LINGO2: variants seen among roughly 807,000 people sequenced by gnomAD.
LINGO2 encodes leucine rich repeat and Ig domain containing 2.
A neutral mutation model predicts 30.6 loss-of-function variants in LINGO2; 14 were observed. The ratio of observed to expected loss-of-function variants is 0.46; its 90% CI spans 0.30 to 0.72. The LOEUF (loss-of-function observed/expected upper bound fraction) is 0.72, where lower values mean the gene tolerates loss of function less well. LINGO2 is among the 30% of genes least tolerant of loss of function. The pLI, the probability that LINGO2 is intolerant of heterozygous loss-of-function variation, is 0.07. For missense variants in LINGO2, 729 were observed against 751.7 expected (o/e 0.97, Z 0.35); for synonymous variants, 317 against 288.5 (o/e 1.10, Z -1.00).
intron 4 of LINGO2, among the ~76,000 whole-genome samples, chr9:28,090,480 T>C (rs1438762908): frequency 6.6e-6 from 1 of 152,172 alleles, no homozygotes; most frequent in Non-Finnish European, 1.5e-5. Flanking sequence ...ATTATCTCAA[T>C]AGAAGCAGAA....
chr9:28,965,076 G>A, the LINGO2 span, among the ~76,000 whole-genome samples: 1 of 151,948 alleles, frequency 6.6e-6, no homozygotes, highest in South Asian at 2.1e-4. Flanking sequence ...TTGGAGCTAA[G>A]TTGGCATTTT....
chr9:28,748,611 C>T, the LINGO2 span, among the ~76,000 whole-genome samples: 1 of 152,020 alleles, frequency 6.6e-6, no homozygotes, highest in Non-Finnish European at 1.5e-5. Flanking sequence ...TTTTCATAAA[C>T]TCATCAGATT....
the LINGO2 span, among the ~76,000 whole-genome samples, chr9:28,688,696 C>T: frequency 6.6e-6 from 1 of 152,124 alleles, no homozygotes; most frequent in Admixed American, 6.6e-5. Flanking sequence ...CGCAGGCAGG[C>T]AGATATAATA....
chr9:28,501,461 A>G (rs1819879131), intron 1 of LINGO2, among the ~76,000 whole-genome samples: 1 of 152,214 alleles, frequency 6.6e-6, no homozygotes, highest in African/African-American at 2.4e-5. Context: ...TTAATCCAAC[A>G]AAGTCAAGTG....
intron 4 of LINGO2, among the ~76,000 whole-genome samples, chr9:28,145,527 C>G (rs1827788658): frequency 6.6e-6 from 1 of 152,130 alleles, no homozygotes; most frequent in Non-Finnish European, 1.5e-5. Context: ...GACTGGCTGT[C>G]TGTACTCTAA....
At chr9:29,088,629 A>T in the LINGO2 span, among the ~76,000 whole-genome samples, 1 of 152,182 alleles carries the variant, frequency 6.6e-6, no homozygotes, top group African/African-American at 2.4e-5. Flanking sequence ...TAGTGAAAAT[A>T]ATACCTACAC....
chr9:28,238,766 A>AT (rs1237986250), intron 4 of LINGO2, among the ~76,000 whole-genome samples: 1 of 152,056 alleles, frequency 6.6e-6, no homozygotes, highest in Admixed American at 6.6e-5. Flanking sequence ...CAAATCCAAA[A>AT]TTAGTAGAAG....
intron 4 of LINGO2, among the ~76,000 whole-genome samples, chr9:28,048,489 T>C (rs1478075687): frequency 4.0e-5 from 6 of 150,706 alleles, no homozygotes; most frequent in African/African-American, 1.5e-4. Flanking sequence ...AAAAAGCAAA[T>C]GGATTAAGAA....
At chr9:28,263,142 C>G (rs1276959387) in intron 4 of LINGO2, among the ~76,000 whole-genome samples, 1 of 152,092 alleles carries the variant, frequency 6.6e-6, no homozygotes, top group East Asian at 1.9e-4. Flanking sequence ...AGGACCGAGA[C>G]CCATTCCTGG....
At chr9:28,255,831 C>A (rs1022369134) in intron 4 of LINGO2, among the ~76,000 whole-genome samples, 1 of 152,032 alleles carries the variant, frequency 6.6e-6, no homozygotes, top group Non-Finnish European at 1.5e-5. Flanking sequence ...TAAAGTGAAA[C>A]TTCTGCTGCT....
the LINGO2 span, among the ~76,000 whole-genome samples, chr9:29,015,935 T>C: frequency 0.21 from 31,955 of 152,116 alleles, 3,457 homozygotes; most frequent in East Asian, 0.35. Flanking sequence ...TTCTCAAGCA[T>C]GGCCATCATA....
intron 2 of LINGO2, among the ~76,000 whole-genome samples, chr9:28,468,120 T>A (rs1003961887): frequency 6.6e-6 from 1 of 152,128 alleles, no homozygotes; most frequent in Non-Finnish European, 1.5e-5. Flanking sequence ...ATAGTATATC[T>A]GATAGTCAAA....
intron 1 of LINGO2, among the ~76,000 whole-genome samples, chr9:28,527,159 T>C (rs1017244209): frequency 2.0e-5 from 3 of 152,166 alleles, no homozygotes; most frequent in Non-Finnish European, 4.4e-5. Context: ...ATCTTCTCGC[T>C]GTACAGGCAA....
intron 3 of LINGO2, among the ~76,000 whole-genome samples, chr9:28,369,820 G>A (rs7868849): frequency 0.51 from 77,943 of 152,032 alleles, 21,267 homozygotes; most frequent in Non-Finnish European, 0.59. Flanking sequence ...GTGAGTTACA[G>A]ATTTGATCAC....
intron 3 of LINGO2, among the ~76,000 whole-genome samples, chr9:28,347,962 A>T (rs889277443): frequency 2.0e-5 from 3 of 152,332 alleles, no homozygotes; most frequent in African/African-American, 7.2e-5. Context: ...CCCATTAAAA[A>T]GATTTGGATG....
chr9:29,176,717 A>C, the LINGO2 span, among the ~76,000 whole-genome samples: 4 of 152,250 alleles, frequency 2.6e-5, no homozygotes, highest in African/African-American at 9.6e-5. Context: ...TGTACTAGGA[A>C]GTACAGAAGT....
chr9:29,032,128 A>C, the LINGO2 span, among the ~76,000 whole-genome samples: 1 of 152,280 alleles, frequency 6.6e-6, no homozygotes. Context: ...AATTTTTCTA[A>C]AGAAAAATGC....
At chr9:27,959,101 C>T (rs1393183545) in intron 5 of LINGO2, among the ~76,000 whole-genome samples, 1 of 152,076 alleles carries the variant, frequency 6.6e-6, no homozygotes, top group Non-Finnish European at 1.5e-5. Flanking sequence ...TATTATTCTT[C>T]TAATGTCTGA....
At chr9:28,894,385 G>A in the LINGO2 span, among the ~76,000 whole-genome samples, 1 of 151,888 alleles carries the variant, frequency 6.6e-6, no homozygotes, top group Non-Finnish European at 1.5e-5. Context: ...CAAGCTTTAT[G>A]CTTAAAATTA....
Sources: gnomAD v4.1 joint callset for allele counts (sites outside exome capture counted in the v4.1 genomes callset) on GRCh38, gnomAD v4.1.1 for gene constraint, MANE v1.5 for transcripts, NCBI Gene and HGNC (gene_info 2026-07-23, HGNC 2026-07-21) for gene names.